The following SLC25A21 variants were observed in gnomAD, a reference collection of about 807,000 sequenced individuals.
SLC25A21 encodes the protein mitochondrial 2-oxodicarboxylate carrier.
In SLC25A21, 47 loss-of-function variants were observed where a neutral mutation model predicts 43.8. The ratio of observed to expected loss-of-function variants is 1.07; its 90% CI spans 0.85 to 1.37. The LOEUF is 1.37. SLC25A21 is among the 40% of genes most tolerant of loss of function. SLC25A21 has a pLI of 0.00. For synonymous variants in SLC25A21, 131 were observed against 121.3 expected, an observed-to-expected ratio of 1.08 and a Z score of -0.52; for missense variants, 352 against 350.2, an observed-to-expected ratio of 1.00 and a Z score of -0.04.
intron 1 of SLC25A21, among the ~76,000 whole-genome samples, chr14:36,883,673 A>G (rs1035175723): frequency 2.0e-5 from 3 of 152,188 alleles, no homozygotes; most frequent in Non-Finnish European, 4.4e-5. Context: ...ACTGAATTAT[A>G]TAAGAGAATA....
chr14:36,861,832 C>A (rs974569554), intron 2 of SLC25A21, among the ~76,000 whole-genome samples: 1 of 152,124 alleles, frequency 6.6e-6, no homozygotes, highest in African/African-American at 2.4e-5. Context: ...GTTCCAAATT[C>A]TCTCTCCAAA....
At chr14:36,935,577 T>C (rs1892402077) in intron 1 of SLC25A21, among the ~76,000 whole-genome samples, 1 of 152,190 alleles carries the variant, frequency 6.6e-6, no homozygotes, top group Admixed American at 6.5e-5. Context: ...ATCTCCTGAT[T>C]GGCACTGTTC....
At chr14:37,078,428 C>T (rs532392377) in intron 1 of SLC25A21, among the ~76,000 whole-genome samples, 2 of 152,088 alleles carry the variant, frequency 1.3e-5, no homozygotes, top group South Asian at 4.2e-4. Context: ...AGGAATAGGT[C>T]CACCACATGG....
intron 3 of SLC25A21, chr14:36,808,901 G>A (rs1888135541): frequency 6.6e-6 from 1 of 152,154 alleles, no homozygotes; most frequent in Non-Finnish European, 1.5e-5. Flanking sequence ...ACTTTCAGAG[G>A]AGGCAGAGTG....
At chr14:36,775,631 A>C (rs1886792332) in intron 3 of SLC25A21, among the ~76,000 whole-genome samples, 3 of 152,158 alleles carry the variant, frequency 2.0e-5, no homozygotes, top group Non-Finnish European at 2.9e-5. Context: ...CATTGAAAGG[A>C]TAAGAGTCTT....
At chr14:36,961,229 T>G (rs897348900) in intron 1 of SLC25A21, among the ~76,000 whole-genome samples, 6 of 148,246 alleles carry the variant, frequency 4.0e-5, no homozygotes, top group Non-Finnish European at 7.4e-5. Flanking sequence ...TTTTTTTTTT[T>G]GAGACGGAGC....
At chr14:36,777,759 G>T (rs932017707) in intron 3 of SLC25A21, among the ~76,000 whole-genome samples, 4 of 152,166 alleles carry the variant, frequency 2.6e-5, no homozygotes, top group Non-Finnish European at 5.9e-5. Flanking sequence ...AACTGTGAGA[G>T]AATGAACTTC....
intron 1 of SLC25A21, among the ~76,000 whole-genome samples, chr14:36,975,762 G>C (rs1162998044): frequency 6.6e-6 from 1 of 152,172 alleles, no homozygotes; most frequent in African/African-American, 2.4e-5. Flanking sequence ...CTCTAATGGT[G>C]ATCCCAAGTG....
At chr14:37,055,491 G>A (rs931755655) in intron 1 of SLC25A21, among the ~76,000 whole-genome samples, 1 of 152,172 alleles carries the variant, frequency 6.6e-6, no homozygotes, top group Admixed American at 6.5e-5. Flanking sequence ...CAAGAAAGCA[G>A]CAGAAGAGAC....
chr14:37,127,649 C>T lies in SLC25A21; in HGVS notation c.70+44632G>A, dbSNP rs143178205. 1.1e-3 allele frequency among the ~76,000 whole-genome samples: 169 copies of T among 152,220 alleles called. 1 individual carries two copies. The highest frequency in any genetic ancestry group is 4.0e-3 in the African/African-American group (166 of 41,558). ...CATAAAATCCAATCCCTTCATTGAT[C>T]GAAAGCAAAGTCAGGTTTCAAGAGC... On this transcript the variant is annotated intron_variant, in intron 1 of 9. Coordinates refer to ENST00000331299, the MANE Select transcript of SLC25A21 (RefSeq NM_030631.4).
At chr14:36,954,184 T>TA (rs528648168) in intron 1 of SLC25A21, among the ~76,000 whole-genome samples, 11 of 152,246 alleles carry the variant, frequency 7.2e-5, no homozygotes, top group African/African-American at 2.6e-4. Context: ...TCATCCCCAG[T>TA]AAAAAATGTC....
rs567283104 is a variant in SLC25A21, at chr14:37,119,237, C to T, written c.70+53044G>A. Among the ~76,000 whole-genome samples, 6 of 152,236 alleles carry T rather than the reference C, an allele frequency of 3.9e-5. No individual in the cohort carries two copies. The East Asian group carries it at 1.2e-3, about 29-fold the overall frequency. ...TCACAGAAAACTCATAAATCCACCCCTTGCTTAGCATAGAATCAAGAAATA... is the reference window on the plus strand; with the variant it reads ...TCACAGAAAACTCATAAATCCACCCTTTGCTTAGCATAGAATCAAGAAATA... On this transcript the variant is annotated intron_variant, in intron 1 of 9. Transcript: ENST00000331299.
chr14:37,066,931 T>C (rs1311596471), intron 1 of SLC25A21, among the ~76,000 whole-genome samples: 1 of 152,042 alleles, frequency 6.6e-6, no homozygotes, highest in Non-Finnish European at 1.5e-5. Flanking sequence ...ACAAAAGACC[T>C]GAATGAATGG....
intron 2 of SLC25A21, among the ~76,000 whole-genome samples, chr14:36,854,763 T>C (rs979100051): frequency 1.7e-4 from 26 of 152,268 alleles, no homozygotes; most frequent in Admixed American, 1.4e-3. Flanking sequence ...GGATCCTATA[T>C]GAAAGGCCTT....
intron 2 of SLC25A21, among the ~76,000 whole-genome samples, chr14:36,830,813 T>C (rs1889012880): frequency 1.3e-5 from 2 of 152,090 alleles, no homozygotes; most frequent in South Asian, 4.1e-4. Context: ...AAAGCTTAGA[T>C]TTACTAGGAC....
intron 1 of SLC25A21, among the ~76,000 whole-genome samples, chr14:37,124,015 C>CTT (rs779404360): frequency 6.8e-6 from 1 of 146,186 alleles, no homozygotes; most frequent in Non-Finnish European, 1.5e-5. Context: ...TTATCATTAT[C>CTT]TTTTTTTTTT....
At position 36,848,890 on chromosome 14, in the gene SLC25A21, G is replaced by A. The variant is rs79077686; in HGVS notation, c.119+26066C>T. On this transcript the variant is annotated intron_variant, in intron 2 of 9. Transcript: ENST00000331299. ...TAAAATCCACTCTGTTTTGGTCTAAGTTTGGGTTTTTTGAGGAGTTGTTTT... is the reference window on the plus strand; with the variant it reads ...TAAAATCCACTCTGTTTTGGTCTAAATTTGGGTTTTTTGAGGAGTTGTTTT... Among the ~76,000 whole-genome samples the A allele has an allele frequency of 3.8e-3, 581 of 152,288 alleles. 3 individuals carry two copies. Among genetic ancestry groups the A allele is most frequent in the African/African-American group, 0.013 (551 of 41,568 alleles).
chr14:36,834,148 A>G (rs1180747464), intron 2 of SLC25A21, among the ~76,000 whole-genome samples: 1 of 152,252 alleles, frequency 6.6e-6, no homozygotes, highest in Admixed American at 6.5e-5. Flanking sequence ...TATAGTAAAA[A>G]TAAGTCATCA....
intron 1 of SLC25A21, among the ~76,000 whole-genome samples, chr14:37,010,698 T>C (rs1046415283): frequency 6.6e-6 from 1 of 152,170 alleles, no homozygotes; most frequent in African/African-American, 2.4e-5. Context: ...TAAATGTATA[T>C]TTAACAGTTT....
Sources: allele counts gnomAD v4.1 joint callset (sites outside exome capture counted in the v4.1 genomes callset), GRCh38; gene constraint gnomAD v4.1.1; transcripts MANE v1.5; gene names NCBI Gene and HGNC (gene_info 2026-07-23, HGNC 2026-07-21).